TSHR: variants seen among roughly 807,000 people sequenced by gnomAD.
TSHR encodes the protein thyroid stimulating hormone receptor, also known as thyrotropin receptor.
Under a neutral mutation model 64.1 loss-of-function variants are expected in TSHR, and 51 were observed. The ratio of observed to expected loss-of-function variants is 0.80; its 90% CI spans 0.64 to 1.01. The LOEUF (loss-of-function observed/expected upper bound fraction) is 1.01. TSHR is among the 50% of genes least tolerant of loss of function. TSHR has a pLI of 0.00. For synonymous variants in TSHR, 361 were observed against 361.9 expected, an observed-to-expected ratio of 1.00 and a Z score of 0.03; for missense variants, 877 against 942.8, an observed-to-expected ratio of 0.93 and a Z score of 0.91.
At chr14:80,977,097 C>T (rs1448247463) in intron 1 of TSHR, among the ~76,000 whole-genome samples, 1 of 152,234 alleles carries the variant, frequency 6.6e-6, no homozygotes, top group Non-Finnish European at 1.5e-5. Flanking sequence ...CCCATGGTCA[C>T]AGGCTCATTC....
chr14:81,023,906 G>C (rs1222912868), intron 1 of TSHR, among the ~76,000 whole-genome samples: 2 of 151,882 alleles, frequency 1.3e-5, no homozygotes, highest in East Asian at 3.9e-4. Context: ...GCATTTTTTT[G>C]CAGAACAGGG....
intron 1 of TSHR, among the ~76,000 whole-genome samples, chr14:81,056,836 G>A (rs1028794547): frequency 6.6e-6 from 1 of 152,134 alleles, no homozygotes; most frequent in South Asian, 2.1e-4. Flanking sequence ...TTGCATTGTA[G>A]ACATCATATC....
At chr14:81,069,112 C>T (rs79960347) in intron 3 of TSHR, among the ~76,000 whole-genome samples, 4,083 of 151,920 alleles carry the variant, frequency 0.027, 211 homozygotes, top group African/African-American at 0.09. Context: ...TATATCCTAA[C>T]ATTACATTAA....
chr14:80,969,176 T>C (rs1887466760), intron 1 of TSHR, among the ~76,000 whole-genome samples: 1 of 152,236 alleles, frequency 6.6e-6, no homozygotes. Context: ...GTCCCCAAGA[T>C]GGCACCTTAG....
chr14:81,021,146 C>T (rs905300873), intron 1 of TSHR, among the ~76,000 whole-genome samples: 1 of 151,954 alleles, frequency 6.6e-6, no homozygotes, highest in East Asian at 1.9e-4. Context: ...TTGATTCATC[C>T]CAGAACCATG....
intron 3 of TSHR, among the ~76,000 whole-genome samples, chr14:81,076,636 T>A (rs1318619705): frequency 1.3e-5 from 2 of 152,160 alleles, no homozygotes; most frequent in African/African-American, 4.8e-5. Flanking sequence ...TCTTTCCTCA[T>A]CACCCACTTC....
intron 1 of TSHR, among the ~76,000 whole-genome samples, chr14:80,990,262 G>A (rs1300217411): frequency 6.6e-6 from 1 of 152,258 alleles, no homozygotes; most frequent in African/African-American, 2.4e-5. Flanking sequence ...AGCAGGGAAT[G>A]TGGCAAGTGG....
intron 8 of TSHR, among the ~76,000 whole-genome samples, chr14:81,121,662 C>T (rs879093601): frequency 1.3e-5 from 2 of 152,060 alleles, no homozygotes; most frequent in Admixed American, 6.6e-5. Context: ...AGAGGGTTGG[C>T]TGGGCACGGT....
chr14:81,107,594 T>C (rs2140028053), intron 7 of TSHR, among the ~76,000 whole-genome samples: 1 of 152,290 alleles, frequency 6.6e-6, no homozygotes, highest in African/African-American at 2.4e-5. Flanking sequence ...TACCCTCTAA[T>C]GCCCAGTGTG....
chr14:81,028,562 C>G (rs993505119), intron 1 of TSHR, among the ~76,000 whole-genome samples: 5 of 152,000 alleles, frequency 3.3e-5, no homozygotes, highest in Non-Finnish European at 2.9e-5. Flanking sequence ...GGACAGAAGT[C>G]CAGTTTTCAA....
At chr14:81,087,219 C>T (rs1196553423) in intron 3 of TSHR, among the ~76,000 whole-genome samples, 2 of 152,204 alleles carry the variant, frequency 1.3e-5, no homozygotes, top group Admixed American at 6.5e-5. Context: ...ATATACTTTT[C>T]ATGTAAGCAT....
intron 1 of TSHR, among the ~76,000 whole-genome samples, chr14:81,026,330 C>T (rs1057350755): frequency 2.0e-5 from 3 of 152,102 alleles, no homozygotes; most frequent in Admixed American, 1.3e-4. Flanking sequence ...ACCACACAAT[C>T]GACATACTTG....
chr14:81,068,378 A>T (rs2139910887), intron 3 of TSHR, 50 bp downstream of exon 3: 2 of 1,572,708 alleles, frequency 1.3e-6, no homozygotes, highest in Non-Finnish European at 1.7e-6. Flanking sequence ...ACCACTCTTG[A>T]CTGATAATCT....
intron 8 of TSHR, among the ~76,000 whole-genome samples, chr14:81,113,373 G>T (rs1890315211): frequency 6.6e-6 from 1 of 152,220 alleles, no homozygotes; most frequent in African/African-American, 2.4e-5. Context: ...GATAGGGGAA[G>T]TTAGTTTGAG....
chr14:81,075,948 T>C (rs1278841150), intron 3 of TSHR, among the ~76,000 whole-genome samples: 1 of 152,074 alleles, frequency 6.6e-6, no homozygotes, highest in Non-Finnish European at 1.5e-5. Context: ...ATATACACCA[T>C]GGGATACTAT....
chr14:81,103,609 A>G lies in TSHR; in HGVS notation c.615-4766A>G. The G allele has an allele frequency of 4.1e-6, 4 of 985,486 alleles. No individual in the cohort carries two copies. The highest frequency in any genetic ancestry group is 4.8e-6 in the Non-Finnish European group (4 of 829,936). 61.0% of individuals were successfully genotyped at this position (985,486 alleles called of 1,614,324 possible). A position where few individuals can be genotyped will look rare whatever the true frequency, so the allele number is the denominator to read the frequency against. Reference sequence around the variant, plus strand: ...AATGATGGCAGATGTGTAAAAGCACATTGTCCTATGACTTCCTATGGCGCC... The same window carrying G: ...AATGATGGCAGATGTGTAAAAGCACGTTGTCCTATGACTTCCTATGGCGCC... On this transcript the variant is annotated intron_variant, in intron 7 of 9. Transcript: ENST00000298171. The surrounding 1 kb of genome is among the most constrained non-coding windows in gnomAD (Gnocchi z 4.1).
intron 1 of TSHR, among the ~76,000 whole-genome samples, chr14:81,046,257 AG>A: frequency 6.6e-6 from 1 of 152,342 alleles, no homozygotes; most frequent in East Asian, 1.9e-4. Flanking sequence ...GGAATTAACA[AG>A]AAATGACATT....
intron 6 of TSHR, 133 bp downstream of exon 6, chr14:81,092,741 T>G: frequency 1.2e-6 from 1 of 831,426 alleles, no homozygotes; most frequent in Non-Finnish European, 2.0e-6. Context: ...TTTTACACAA[T>G]TAAATAATAG....
chr14:81,009,891 T>C (rs1053426954), intron 1 of TSHR, among the ~76,000 whole-genome samples: 3 of 152,142 alleles, frequency 2.0e-5, no homozygotes, highest in Admixed American at 6.5e-5. Context: ...GGGGAGAATA[T>C]ACCTAGATGA....
Sources: allele counts gnomAD v4.1 joint callset (sites outside exome capture counted in the v4.1 genomes callset), GRCh38; gene constraint gnomAD v4.1.1; non-coding constraint Gnocchi (gnomAD v3.1); transcripts MANE v1.5; gene names NCBI Gene and HGNC (gene_info 2026-07-23, HGNC 2026-07-21).